PLCXD3: variants seen among roughly 807,000 people sequenced by gnomAD.
PLCXD3 encodes the protein phosphatidylinositol specific phospholipase C X domain containing 3.
PLCXD3 carries 19 observed loss-of-function variants against 25.5 expected under a neutral mutation model. The observed-to-expected ratio is 0.75, with a 90% CI of 0.52 to 1.09. PLCXD3 has a LOEUF of 1.09. Among genes scored for constraint, PLCXD3 ranks in the 50% least tolerant of loss-of-function variants. The probability of loss-of-function intolerance (pLI) is 0.00; values close to 1 mark genes in which losing one functional copy is unlikely to be tolerated. For synonymous variants in PLCXD3, 174 were observed against 137.6 expected, an observed-to-expected ratio of 1.26 and a Z score of -1.85; for missense variants, 411 against 388.1, an observed-to-expected ratio of 1.06 and a Z score of -0.50.
At chr5:41,440,326 G>A (rs892349297) in intron 1 of PLCXD3, among the ~76,000 whole-genome samples, 8 of 140,368 alleles carry the variant, frequency 5.7e-5, no homozygotes, top group Admixed American at 3.1e-4. Flanking sequence ...TCTGCCTCCC[G>A]GGTTCAAATG....
intron 1 of PLCXD3, among the ~76,000 whole-genome samples, chr5:41,493,333 C>G (rs1260893003): frequency 2.0e-5 from 3 of 152,192 alleles, no homozygotes; most frequent in Non-Finnish European, 4.4e-5. Flanking sequence ...AGGTGTCAGT[C>G]TGCCCCTACT....
At chr5:41,429,974 C>G (rs551587174) in intron 1 of PLCXD3, among the ~76,000 whole-genome samples, 1 of 152,094 alleles carries the variant, frequency 6.6e-6, no homozygotes, top group Non-Finnish European at 1.5e-5. Context: ...TATAGCAGAG[C>G]AAAGCAAATG....
chr5:41,419,325 C>CA (rs909773693), intron 1 of PLCXD3, among the ~76,000 whole-genome samples: 3 of 151,870 alleles, frequency 2.0e-5, no homozygotes, highest in Non-Finnish European at 2.9e-5. Flanking sequence ...AAGGACCTCA[C>CA]AAAAAAATAC....
intron 1 of PLCXD3, among the ~76,000 whole-genome samples, chr5:41,440,074 C>T (rs1471980269): frequency 6.6e-6 from 1 of 151,972 alleles, no homozygotes; most frequent in Non-Finnish European, 1.5e-5. Flanking sequence ...TGTATGATGG[C>T]CATTTATAGA....
At chr5:41,448,389 C>T (rs942974545) in intron 1 of PLCXD3, among the ~76,000 whole-genome samples, 1 of 152,168 alleles carries the variant, frequency 6.6e-6, no homozygotes, top group Non-Finnish European at 1.5e-5. Flanking sequence ...TGGCATCTAG[C>T]CAATATGGCA....
intron 1 of PLCXD3, among the ~76,000 whole-genome samples, chr5:41,398,157 T>C (rs1239468305): frequency 6.6e-6 from 1 of 152,170 alleles, no homozygotes; most frequent in Non-Finnish European, 1.5e-5. Flanking sequence ...CAGTATAATA[T>C]GGTTTGGTTT....
chr5:41,377,205 T>G (rs1745321604), intron 2 of PLCXD3, among the ~76,000 whole-genome samples: 2 of 152,218 alleles, frequency 1.3e-5, no homozygotes, highest in Admixed American at 1.3e-4. Flanking sequence ...ATTGTTAAGA[T>G]AGGATGGCAA....
At chr5:41,414,065 A>G (rs929405014) in intron 1 of PLCXD3, among the ~76,000 whole-genome samples, 66 of 152,244 alleles carry the variant, frequency 4.3e-4, no homozygotes, top group African/African-American at 1.5e-3. Context: ...GGGCCTAACC[A>G]AGCAGTATTC....
rs73081526 is a variant in PLCXD3 at position 41,503,305 on chromosome 5, A to G, written c.103+7119T>C. ...AAGTGAATGAAGGAACCAAATTTTC[A>G]TTTATAATGATAATTATGGATAAAT... On this transcript the variant is annotated intron_variant, in intron 1 of 2. Transcript: ENST00000377801. 7.5e-3 allele frequency among the ~76,000 whole-genome samples: 1,143 copies of G among 152,348 alleles called. 17 individuals carry two copies. Among genetic ancestry groups the G allele is most frequent in the African/African-American group, 0.026 (1,085 of 41,580 alleles).
intron 1 of PLCXD3, among the ~76,000 whole-genome samples, chr5:41,452,269 T>G (rs1410946291): frequency 6.6e-6 from 1 of 152,090 alleles, no homozygotes; most frequent in Non-Finnish European, 1.5e-5. Context: ...TGCAGAACCT[T>G]ACTGAATACT....
At chr5:41,398,928 A>G (rs1457582634) in intron 1 of PLCXD3, among the ~76,000 whole-genome samples, 1 of 152,212 alleles carries the variant, frequency 6.6e-6, no homozygotes, top group Non-Finnish European at 1.5e-5. Context: ...TTGTCCACAG[A>G]TGATATAAAC....
chr5:41,482,038 T>A (rs1261152396), intron 1 of PLCXD3, among the ~76,000 whole-genome samples: 2 of 152,152 alleles, frequency 1.3e-5, no homozygotes, highest in Non-Finnish European at 2.9e-5. Context: ...TAAATTTTGA[T>A]GTGAAAATGA....
intron 1 of PLCXD3, among the ~76,000 whole-genome samples, chr5:41,498,668 C>A (rs1231353180): frequency 6.6e-6 from 1 of 151,664 alleles, no homozygotes; most frequent in Non-Finnish European, 1.5e-5. Context: ...ATCAGCATTA[C>A]ACTGATACCA....
intron 1 of PLCXD3, among the ~76,000 whole-genome samples, chr5:41,384,016 A>G (rs1745563831): frequency 6.6e-6 from 1 of 152,146 alleles, no homozygotes; most frequent in Admixed American, 6.6e-5. Context: ...GTTGTTAAAG[A>G]AAATAATTTG....
intron 1 of PLCXD3, among the ~76,000 whole-genome samples, chr5:41,483,047 T>C (rs893476758): frequency 2.0e-5 from 3 of 152,238 alleles, no homozygotes; most frequent in Non-Finnish European, 2.9e-5. Context: ...GACTGGTTTA[T>C]TTCACTTAGC....
At chr5:41,449,073 T>C (rs1476562110) in intron 1 of PLCXD3, among the ~76,000 whole-genome samples, 1 of 152,176 alleles carries the variant, frequency 6.6e-6, no homozygotes, top group East Asian at 1.9e-4. Flanking sequence ...ACTCCTACGA[T>C]ATATATAGTC....
chr5:41,509,490 C>T (rs1163181297), intron 1 of PLCXD3, among the ~76,000 whole-genome samples: 1 of 152,206 alleles, frequency 6.6e-6, no homozygotes, highest in East Asian at 1.9e-4. Flanking sequence ...TAGAAACCTG[C>T]CCAGTCTCTG....
rs929298771 is a variant in PLCXD3 at position 41,414,509 on chromosome 5, A to G, written c.104-31975T>C. On this transcript the variant is annotated intron_variant, in intron 1 of 2. Transcript: ENST00000377801. ...TCTTTAATTGTACTGCGAATATTTT[A>G]TTTCTTTACCTGTATGATGAATAGG... Among the ~76,000 whole-genome samples the G allele has an allele frequency of 6.0e-4, 91 of 152,156 alleles. 1 individual carries two copies. The highest frequency in any genetic ancestry group is 1.5e-4 in the Non-Finnish European group (10 of 68,022).
chr5:41,421,737 G>C (rs1322085145), intron 1 of PLCXD3, among the ~76,000 whole-genome samples: 1 of 151,470 alleles, frequency 6.6e-6, no homozygotes, highest in Non-Finnish European at 1.5e-5. Context: ...AAACAAAAAA[G>C]CTCTTTGGTA....
Sources: gnomAD v4.1 joint callset for allele counts (sites outside exome capture counted in the v4.1 genomes callset) on GRCh38, gnomAD v4.1.1 for gene constraint, MANE v1.5 for transcripts, NCBI Gene and HGNC (gene_info 2026-07-23, HGNC 2026-07-21) for gene names.